METTL15: variants seen among roughly 807,000 people sequenced by gnomAD.
The protein encoded by METTL15 is 12S rRNA N(4)-cytidine methyltransferase METTL15.
Under a neutral mutation model 38.3 loss-of-function variants are expected in METTL15, and 34 were observed. That is an observed-to-expected ratio of 0.89 (90% CI 0.68 to 1.18). The LOEUF (loss-of-function observed/expected upper bound fraction) is 1.18. Among genes scored for constraint, METTL15 ranks in the 50% most tolerant of loss-of-function variants. The probability of loss-of-function intolerance (pLI) is 0.00; values close to 1 mark genes in which losing one functional copy is unlikely to be tolerated. For synonymous variants in METTL15, 162 were observed against 170.9 expected (o/e 0.95, Z 0.41); for missense variants, 438 against 498.4 (o/e 0.88, Z 1.15).
intron 3 of METTL15, among the ~76,000 whole-genome samples, chr11:28,184,596 A>G (rs1851424657): frequency 6.6e-6 from 1 of 150,924 alleles, no homozygotes; most frequent in Non-Finnish European, 1.5e-5. Context: ...TTTCTGAAGG[A>G]TAACACGTTT....
At chr11:28,264,536 C>G (rs985249142) in intron 4 of METTL15, among the ~76,000 whole-genome samples, 6 of 152,032 alleles carry the variant, frequency 3.9e-5, no homozygotes, top group Admixed American at 6.6e-5. Context: ...ACCTGATTAT[C>G]AATCAATTTA....
intron 3 of METTL15, among the ~76,000 whole-genome samples, chr11:28,166,402 A>G (rs985342385): frequency 1.3e-5 from 2 of 152,222 alleles, no homozygotes; most frequent in Non-Finnish European, 2.9e-5. Flanking sequence ...TAGTCTGGAA[A>G]GCAATGTAGG....
At chr11:28,328,499 A>G (rs1303151624) in intron 6 of METTL15, among the ~76,000 whole-genome samples, 1 of 152,156 alleles carries the variant, frequency 6.6e-6, no homozygotes, top group Non-Finnish European at 1.5e-5. Flanking sequence ...TTTAAGAAAC[A>G]TGCTAAGGAG....
chr11:28,399,949 T>C (rs1468787775), intron 5 of METTL15, among the ~76,000 whole-genome samples: 1 of 151,930 alleles, frequency 6.6e-6, no homozygotes, highest in Non-Finnish European at 1.5e-5. Context: ...AATAAATGTT[T>C]ATATACCACA....
intron 5 of METTL15, among the ~76,000 whole-genome samples, chr11:28,292,215 C>A (rs866967505): frequency 5.1e-5 from 6 of 118,056 alleles, no homozygotes; most frequent in Non-Finnish European, 8.5e-5. Context: ...CCCCTCCCCC[C>A]ACCCCACAAC....
At chr11:28,247,664 A>C (rs1039011245) in intron 4 of METTL15, among the ~76,000 whole-genome samples, 7 of 152,166 alleles carry the variant, frequency 4.6e-5, no homozygotes, top group African/African-American at 1.7e-4. Context: ...TGAAAGTACC[A>C]TTTACAAATA....
intron 4 of METTL15, among the ~76,000 whole-genome samples, chr11:28,266,886 G>A (rs974413489): frequency 9.8e-5 from 15 of 152,286 alleles, no homozygotes; most frequent in Admixed American, 2.6e-4. Context: ...TTGGCTGGGC[G>A]TGGTGGCTCA....
intron 6 of METTL15, chr11:28,327,897 A>AT (rs1277601882): frequency 2.2e-6 from 1 of 445,914 alleles, no homozygotes; most frequent in Non-Finnish European, 3.9e-6. Context: ...GAATTAAGAG[A>AT]TTCTGCATTA....
At chr11:28,220,488 A>G (rs1853149817) in intron 4 of METTL15, among the ~76,000 whole-genome samples, 1 of 152,148 alleles carries the variant, frequency 6.6e-6, no homozygotes, top group Non-Finnish European at 1.5e-5. Flanking sequence ...TGAATACAGC[A>G]CACTGATGAG....
At chr11:28,490,197 G>GGTCTTT (rs1851483139) in intron 6 of METTL15, among the ~76,000 whole-genome samples, 1 of 152,156 alleles carries the variant, frequency 6.6e-6, no homozygotes, top group Non-Finnish European at 1.5e-5. Flanking sequence ...TCCATGGAAA[G>GGTCTTT]AGATGTTAAC....
chr11:28,518,065 G>A (rs1405458262), intron 6 of METTL15, among the ~76,000 whole-genome samples: 2 of 152,146 alleles, frequency 1.3e-5, no homozygotes, highest in African/African-American at 2.4e-5. Flanking sequence ...GTTCCCTATT[G>A]ACTGGGAAGA....
the METTL15 span, among the ~76,000 whole-genome samples, chr11:28,532,260 G>A: frequency 3.9e-5 from 6 of 152,010 alleles, no homozygotes; most frequent in African/African-American, 1.4e-4. Context: ...GGTGAGATCA[G>A]CAACCAGTCT....
At chr11:28,245,731 G>T (rs962544500) in intron 4 of METTL15, among the ~76,000 whole-genome samples, 1 of 152,148 alleles carries the variant, frequency 6.6e-6, no homozygotes, top group Admixed American at 6.6e-5. Flanking sequence ...TAGCATGGCT[G>T]GGGATGCCTC....
chr11:28,179,178 CG>C (rs1405598650), intron 3 of METTL15, among the ~76,000 whole-genome samples: 1 of 151,724 alleles, frequency 6.6e-6, no homozygotes, highest in African/African-American at 2.4e-5. Context: ...AGTTCAGTTG[CG>C]TTTAATATCG....
At position 28,197,653 on chromosome 11, in the gene METTL15, A is replaced by G. The variant is rs1294764732; in HGVS notation, c.271-13409A>G. 1.0e-5 allele frequency: 3 copies of G among 293,336 alleles called. No homozygotes were observed. In the Admixed American group the frequency reaches 1.2e-4, roughly 12 times the overall value. 18.2% of individuals were successfully genotyped at this position (293,336 alleles called of 1,614,324 possible). A position where few individuals can be genotyped will look rare whatever the true frequency, so the allele number is the denominator to read the frequency against. ...GTCACATGTTTAAACATTTTCAGGA[A>G]TATGTAAGTTTCTATTTCTCCCTGC... On this transcript the variant is annotated intron_variant, in intron 3 of 6. Transcript: ENST00000407364.
intron 4 of METTL15, among the ~76,000 whole-genome samples, chr11:28,211,800 A>C (rs181670218): frequency 1.3e-5 from 2 of 152,094 alleles, no homozygotes; most frequent in African/African-American, 4.8e-5. Context: ...GTTTAAAGCC[A>C]TCATTTTAAA....
chr11:28,118,333 T>C (rs1852063470), intron 3 of METTL15, among the ~76,000 whole-genome samples: 1 of 152,188 alleles, frequency 6.6e-6, no homozygotes. Flanking sequence ...TTTACTAGTT[T>C]TAATTATGAG....
rs932573424 is a variant in METTL15, at chr11:28,328,802, A to C, written c.779-1594A>C. 7.2e-5 allele frequency among the ~76,000 whole-genome samples: 11 copies of C among 152,210 alleles called. No homozygotes were observed. The East Asian group carries it at 1.9e-3, about 27-fold the overall frequency. ...TGTTTTGATGTGCATGTTTTAAAAT[A>C]TGATATAAATAATATACATGTATTC... On this transcript the variant is annotated intron_variant, in intron 6 of 6. Transcript: ENST00000407364.
chr11:28,448,958 G>A (rs542947232), intron 6 of METTL15, among the ~76,000 whole-genome samples: 14 of 152,240 alleles, frequency 9.2e-5, no homozygotes, highest in African/African-American at 3.1e-4. Context: ...GGGTTGGGGT[G>A]GCCAAAACCT....
Sources: allele counts gnomAD v4.1 joint callset (sites outside exome capture counted in the v4.1 genomes callset), GRCh38; gene constraint gnomAD v4.1.1; transcripts MANE v1.5; gene names NCBI Gene and HGNC (gene_info 2026-07-23, HGNC 2026-07-21).